The following SMOC2 variants were observed in gnomAD, a reference collection of about 807,000 sequenced individuals.
The protein encoded by SMOC2 is SPARC related modular calcium binding 2.
In SMOC2, 39 loss-of-function variants were observed where a neutral mutation model predicts 61.4. That is an observed-to-expected ratio of 0.64 (90% CI 0.49 to 0.83). SMOC2 has a LOEUF of 0.83. Ranked by LOEUF, SMOC2 falls within the 40% of genes least tolerant of loss-of-function variation. SMOC2 has a pLI of 0.00. For synonymous variants in SMOC2, 247 were observed against 239.9 expected (o/e 1.03, Z -0.27); for missense variants, 556 against 592.9 (o/e 0.94, Z 0.65).
chr6:168,511,511 C>A (rs1783008241), intron 2 of SMOC2, among the ~76,000 whole-genome samples: 1 of 152,184 alleles, frequency 6.6e-6, no homozygotes, highest in African/African-American at 2.4e-5. Flanking sequence ...CCTCCCATGA[C>A]ACGTGGGGAA....
At chr6:168,484,326 G>A (rs1025606349) in intron 1 of SMOC2, among the ~76,000 whole-genome samples, 1 of 152,018 alleles carries the variant, frequency 6.6e-6, no homozygotes, top group Non-Finnish European at 1.5e-5. Context: ...AGCCACTAAG[G>A]ACATGAAAAC....
chr6:168,665,529 A>T lies in SMOC2; in HGVS notation c.1324-892A>T, dbSNP rs1284725900. 2.6e-5 allele frequency among the ~76,000 whole-genome samples: 4 copies of T among 152,384 alleles called. No homozygotes were observed. The East Asian group carries it at 7.7e-4, about 29-fold the overall frequency. ...AAAAGAAGGGATCACGGGAAGGTGC[A>T]TGATGCTAATGTGGAATCCAGAGGA... On this transcript the variant is annotated intron_variant, in intron 12 of 12. Transcript: ENST00000356284.
chr6:168,495,954 C>T (rs928344515), intron 1 of SMOC2, among the ~76,000 whole-genome samples: 14 of 152,222 alleles, frequency 9.2e-5, no homozygotes, highest in African/African-American at 3.4e-4. Flanking sequence ...CTATGGGTGC[C>T]CTGCATGCAT....
chr6:168,459,402 G>A (rs1001647725), intron 1 of SMOC2, among the ~76,000 whole-genome samples: 6 of 152,172 alleles, frequency 3.9e-5, no homozygotes, highest in Admixed American at 1.3e-4. Context: ...TTGCCGCATC[G>A]GGAAGGGTAT....
Position 168,608,252 on chromosome 6 carries a change from C to A in SMOC2, c.907+13C>A. 6.2e-7 allele frequency: 1 copy of A among 1,609,258 alleles called. No individual in the cohort carries two copies. Among genetic ancestry groups the A allele is most frequent in the South Asian group, 1.1e-5 (1 of 90,140 alleles). ...CGCCAGCTACAAGGTGAGCAGCACCCGCGAGTGTGGCCCGAATCCACAGGC... is the reference window on the plus strand; with the variant it reads ...CGCCAGCTACAAGGTGAGCAGCACCAGCGAGTGTGGCCCGAATCCACAGGC... On this transcript the variant is annotated intron_variant, in intron 9 of 12. Coordinates refer to ENST00000356284, the MANE Select transcript of SMOC2 (RefSeq NM_001166412.2).
chr6:168,551,311 T>C (rs2115109434), intron 7 of SMOC2, among the ~76,000 whole-genome samples: 1 of 152,282 alleles, frequency 6.6e-6, no homozygotes, highest in Non-Finnish European at 1.5e-5. Context: ...TATAGCAGGA[T>C]GAAAATGGAC....
intron 11 of SMOC2, among the ~76,000 whole-genome samples, chr6:168,655,980 A>G (rs1390735062): frequency 6.6e-6 from 1 of 151,436 alleles, no homozygotes; most frequent in Non-Finnish European, 1.5e-5. Context: ...CCCACTGTAC[A>G]CGTGTACTGG....
At chr6:168,467,402 T>TACC (rs1404196263) in intron 1 of SMOC2, among the ~76,000 whole-genome samples, 3 of 151,574 alleles carry the variant, frequency 2.0e-5, no homozygotes, top group African/African-American at 7.3e-5. Context: ...CACCTCCTGG[T>TACC]TTCAAGCGAT....
intron 2 of SMOC2, among the ~76,000 whole-genome samples, chr6:168,523,113 G>T (rs866402471): frequency 3.8e-5 from 2 of 52,610 alleles, no homozygotes; most frequent in African/African-American, 7.8e-5. Context: ...ACGGAGTCTC[G>T]CTCTGTCGCC....
rs1783948440 is a variant in SMOC2 at position 168,544,559 on chromosome 6, G to A, written c.511+887G>A. Among the ~76,000 whole-genome samples, 1 of 152,262 alleles carries A rather than the reference G, an allele frequency of 6.6e-6. No homozygotes were observed. The highest frequency in any genetic ancestry group is 6.5e-5 in the Admixed American group (1 of 15,306). On this transcript the variant is annotated intron_variant, in intron 5 of 12. Transcript: ENST00000356284. This position sits in a 1 kb window ranked among gnomAD's most constrained non-coding sequence, Gnocchi z 4.1. ...ATGGTGGTGCATGCCTGTAATCCCAGGTAGTCAGGAGGTTGAGGCAGGAGA... is the reference window on the plus strand; with the variant it reads ...ATGGTGGTGCATGCCTGTAATCCCAAGTAGTCAGGAGGTTGAGGCAGGAGA...
chr6:168,468,793 G>C (rs1781901634), intron 1 of SMOC2, among the ~76,000 whole-genome samples: 1 of 152,154 alleles, frequency 6.6e-6, no homozygotes, highest in African/African-American at 2.4e-5. Context: ...CTCAGCCTCT[G>C]AAAGTGCTGG....
chr6:168,591,952 G>C (rs966921578), intron 7 of SMOC2, among the ~76,000 whole-genome samples: 2 of 151,828 alleles, frequency 1.3e-5, no homozygotes, highest in East Asian at 3.9e-4. Flanking sequence ...CTCTATCAAT[G>C]GTCATTTTTG....
chr6:168,589,166 C>T (rs1475453910), intron 7 of SMOC2, among the ~76,000 whole-genome samples: 1 of 151,404 alleles, frequency 6.6e-6, no homozygotes, highest in African/African-American at 2.4e-5. Flanking sequence ...TGAATTATGT[C>T]ATTATGATGT....
rs878888671 is a variant in SMOC2 at position 168,615,391 on chromosome 6, C to T, written c.907+7152C>T. On this transcript the variant is annotated intron_variant, in intron 9 of 12. Transcript: ENST00000356284. ...ACAGGGGGCCTCTTCACACCTACAG[C>T]CAGCACAGGGCCTCTTCACACCTAC... 1.6e-3 allele frequency among the ~76,000 whole-genome samples: 125 copies of T among 78,442 alleles called. 1 individual carries two copies. In the Admixed American group the frequency reaches 0.017, roughly 11 times the overall value. 51.5% of individuals were successfully genotyped at this position (78,442 alleles called of 152,430 possible).
At chr6:168,541,348 T>C (rs1452209958) in intron 4 of SMOC2, among the ~76,000 whole-genome samples, 1 of 152,240 alleles carries the variant, frequency 6.6e-6, no homozygotes, top group East Asian at 1.9e-4. Context: ...AGGTGTTCAC[T>C]GTCTGCAGAC....
In SMOC2 at chr6:168,652,989, A is replaced by T; in HGVS notation, c.1046A>T (p.Glu349Val). 3 of 1,613,884 alleles carry T rather than the reference A, an allele frequency of 1.9e-6. No individual in the cohort carries two copies. The South Asian group carries it at 3.3e-5, about 18-fold the overall frequency. The change falls in exon 11 of 13, where the codon GAG becomes GTG. Residue 349 changes from glutamate (E) to valine (V), a missense_variant. Physicochemically the swap from Glu to Val is moderately radical, Grantham distance 121. Transcript: ENST00000356284. ...CCCGACCCCAGCCATACCCTAGAGG[A>T]GCGGGTGGTGCACTGGTACTTCAAA... is the stretch of plus-strand genomic sequence containing the variant. Reference protein sequence around the residue: ...SEPDPSHTLEERVVHWYFKLL... With the variant: ...SEPDPSHTLEVRVVHWYFKLL...
chr6:168,638,690 G>A lies in SMOC2; in HGVS notation c.908-11991G>A, dbSNP rs778839593. On this transcript the variant is annotated intron_variant, in intron 9 of 12. Coordinates refer to ENST00000356284, the MANE Select transcript of SMOC2 (RefSeq NM_001166412.2). ...AGCCCTTCCTAACTGAAAAGACTGC[G>A]AAGGTGCCCCGGGCTGGGGGCCTGG... Among the ~76,000 whole-genome samples the A allele has an allele frequency of 1.6e-4, 24 of 152,300 alleles. No individual in the cohort carries two copies. In the South Asian group the frequency reaches 2.5e-3, roughly 16 times the overall value.
chr6:168,450,073 G>C (rs1435812944), intron 1 of SMOC2, among the ~76,000 whole-genome samples: 1 of 151,954 alleles, frequency 6.6e-6, no homozygotes, highest in South Asian at 2.1e-4. Context: ...AGAGAGAGAA[G>C]AGAAAAAAGA....
chr6:168,461,660 C>G (rs1373298005), intron 1 of SMOC2, among the ~76,000 whole-genome samples: 2 of 152,132 alleles, frequency 1.3e-5, no homozygotes, highest in East Asian at 1.9e-4. Flanking sequence ...AATCTTGACT[C>G]TAGTAGCACA....
Sources: allele counts gnomAD v4.1 joint callset (sites outside exome capture counted in the v4.1 genomes callset), GRCh38; gene constraint gnomAD v4.1.1; non-coding constraint Gnocchi (gnomAD v3.1); transcripts MANE v1.5; gene names NCBI Gene and HGNC (gene_info 2026-07-23, HGNC 2026-07-21).